Variants in AGBL3 observed in about 807,000 individuals in gnomAD.
AGBL3 encodes the protein AGBL carboxypeptidase 3.
AGBL3 carries 68 observed loss-of-function variants against 94.5 expected under a neutral mutation model. The observed-to-expected ratio is 0.72, with a 90% CI of 0.59 to 0.88. The LOEUF (loss-of-function observed/expected upper bound fraction) is 0.88. Among genes scored for constraint, AGBL3 ranks in the 40% least tolerant of loss-of-function variants. The pLI, the probability that AGBL3 is intolerant of heterozygous loss-of-function variation, is 0.00. For synonymous variants in AGBL3, 354 were observed against 370.7 expected, an observed-to-expected ratio of 0.95 and a Z score of 0.52; for missense variants, 934 against 1,103.8, an observed-to-expected ratio of 0.85 and a Z score of 2.18.
chr7:135,063,558 T>A (rs1819025942), intron 12 of AGBL3, among the ~76,000 whole-genome samples: 1 of 152,180 alleles, frequency 6.6e-6, no homozygotes. Context: ...TCTGATAAGT[T>A]TTGATATGTT....
At chr7:135,066,440 A>AC (rs1420740886) in intron 12 of AGBL3, among the ~76,000 whole-genome samples, 12 of 152,186 alleles carry the variant, frequency 7.9e-5, no homozygotes, top group African/African-American at 2.9e-4. Context: ...ATCATCTCAC[A>AC]CCTGCTTGGT....
chr7:135,069,155 T>C (rs555635918), intron 12 of AGBL3, among the ~76,000 whole-genome samples: 78 of 152,234 alleles, frequency 5.1e-4, no homozygotes, highest in Admixed American at 1.0e-3. Context: ...GGTAAAGGGA[T>C]CAATTCAACA....
At position 134,987,747 on chromosome 7, in the gene AGBL3, G is replaced by C. The variant is rs1809655709; in HGVS notation, c.-59-128G>C. 4 of 511,186 alleles carry C rather than the reference G, an allele frequency of 7.8e-6. No homozygotes were observed. The East Asian group carries it at 1.5e-4, about 19-fold the overall frequency. 31.7% of individuals were successfully genotyped at this position (511,186 alleles called of 1,614,324 possible). ...TTTGAAATTGAAGGTTTTATTAGTT[G>C]TATTCTAATTAGTTTTTAGAGAAGA... On this transcript the variant is annotated intron_variant, in intron 1 of 16. Coordinates refer to ENST00000436302, the MANE Select transcript of AGBL3 (RefSeq NM_178563.4).
chr7:135,119,506 AG>A (rs2117226878), intron 16 of AGBL3, among the ~76,000 whole-genome samples: 1 of 151,666 alleles, frequency 6.6e-6, no homozygotes, highest in Non-Finnish European at 1.5e-5. Context: ...CTGGGATTAC[AG>A]GCATGAGCCA....
chr7:135,054,216 C>T (rs1331012724), intron 11 of AGBL3, among the ~76,000 whole-genome samples: 1 of 152,140 alleles, frequency 6.6e-6, no homozygotes, highest in African/African-American at 2.4e-5. Context: ...TAAGCTGGAT[C>T]TAACACAGAA....
At chr7:135,122,363 G>T (rs533735764) in intron 16 of AGBL3, among the ~76,000 whole-genome samples, 26 of 152,310 alleles carry the variant, frequency 1.7e-4, no homozygotes, top group South Asian at 8.3e-4. Flanking sequence ...TCCAGCCAGA[G>T]GCTCAGGGAC....
chr7:135,035,295 C>T lies in AGBL3; in HGVS notation c.1337+367C>T, dbSNP rs189890616. The stretch of plus-strand genomic sequence containing the variant: ...TATATATATTTTATATACATGAAAC[C>T]GTTGGCTTCTCTCTCTAGAAACTCT... On this transcript the variant is annotated intron_variant, in intron 7 of 16. Coordinates refer to ENST00000436302, the MANE Select transcript of AGBL3 (RefSeq NM_178563.4). Among the ~76,000 whole-genome samples the T allele has an allele frequency of 3.4e-3, 511 of 151,746 alleles. 1 individual carries two copies. Among genetic ancestry groups the T allele is most frequent in the African/African-American group, 0.012 (487 of 41,458 alleles).
chr7:134,993,083 AGTT>A (rs1266298129), intron 3 of AGBL3, among the ~76,000 whole-genome samples: 7 of 152,326 alleles, frequency 4.6e-5, no homozygotes, highest in African/African-American at 1.7e-4. Context: ...ACTGAGAAAA[AGTT>A]GTGACTGAGT....
intron 14 of AGBL3, among the ~76,000 whole-genome samples, chr7:135,080,631 T>C (rs1285778098): frequency 6.6e-6 from 1 of 152,110 alleles, no homozygotes; most frequent in African/African-American, 2.4e-5. Flanking sequence ...TCTCATTTTG[T>C]AATTTAGTAG....
At chr7:135,038,687 C>T (rs756949579) in intron 8 of AGBL3, among the ~76,000 whole-genome samples, 16 of 152,276 alleles carry the variant, frequency 1.1e-4, no homozygotes, top group African/African-American at 3.1e-4. Context: ...TTGGGCCAGA[C>T]GTGGTGGCTC....
At chr7:135,058,820 G>A (rs559433518) in intron 11 of AGBL3, among the ~76,000 whole-genome samples, 10 of 152,066 alleles carry the variant, frequency 6.6e-5, no homozygotes, top group South Asian at 2.1e-4. Flanking sequence ...GCAATGGCAC[G>A]ATCTCAGCTC....
rs1267463755 is a variant in AGBL3 at position 134,993,678 on chromosome 7, G to A, written c.310G>A (p.Asp104Asn). 6.5e-7 allele frequency: 1 copy of A among 1,544,492 alleles called. No individual in the cohort carries two copies. The highest frequency in any genetic ancestry group is 1.4e-5 in the African/African-American group (1 of 72,756). Reference protein sequence around the residue: ...EVIDEKVQHIDWTPSCPEPVY... With the variant: ...EVIDEKVQHINWTPSCPEPVY... ...CATCGATGAAAAAGTCCAGCATATT[G>A]GTATGTTTTTAGCAGTTTGGGGGAT... The change falls in exon 4 of 17, where the codon GAT (aspartate) becomes AAT (asparagine). Residue 104 changes from aspartate (D) to asparagine (N), a missense_variant and splice_region_variant. This residue lies in a region of AGBL3 where 488 missense variants were observed against 563.6 expected (regional missense o/e 0.87). Coordinates refer to ENST00000436302, the MANE Select transcript of AGBL3 (RefSeq NM_178563.4).
In AGBL3 at chr7:135,032,901, A is replaced by G; in HGVS notation, c.476A>G (p.Lys159Arg). 6.4e-7 allele frequency: 1 copy of G among 1,551,636 alleles called. No individual in the cohort carries two copies. Among genetic ancestry groups the G allele is most frequent in the Non-Finnish European group, 8.7e-7 (1 of 1,146,850 alleles). Residue 159 changes from lysine to arginine, a missense_variant, in exon 6 of 17, where the codon AAG becomes AGG. By Grantham distance (26) the Lys-to-Arg change is conservative (BLOSUM62 2). Coordinates refer to ENST00000436302, the MANE Select transcript of AGBL3 (RefSeq NM_178563.4). ...SRVGGNRTPL[K>R]QPVDYRDNTL... ...GTTGGGGGTAACCGAACACCTTTGA[A>G]GCAGCCTGTGGATTACCGTGACAAT...
intron 5 of AGBL3, among the ~76,000 whole-genome samples, chr7:135,017,446 A>C (rs1380047440): frequency 2.6e-5 from 4 of 152,234 alleles, no homozygotes; most frequent in Non-Finnish European, 5.9e-5. Flanking sequence ...TTGAAAGATA[A>C]ACCCAGTGAA....
intron 11 of AGBL3, among the ~76,000 whole-genome samples, chr7:135,058,167 ATAATT>A (rs1175342494): frequency 6.6e-6 from 1 of 152,206 alleles, no homozygotes; most frequent in East Asian, 1.9e-4. Context: ...ACCACATACT[ATAATT>A]TAGGAAGTTA....
chr7:135,109,148 G>C (rs1825224210), intron 15 of AGBL3, among the ~76,000 whole-genome samples: 1 of 152,108 alleles, frequency 6.6e-6, no homozygotes, highest in Non-Finnish European at 1.5e-5. Flanking sequence ...GAATTTTGAT[G>C]ATCTTTCCTA....
intron 4 of AGBL3, among the ~76,000 whole-genome samples, chr7:135,016,461 G>C (rs537476047): frequency 6.6e-6 from 1 of 152,044 alleles, no homozygotes; most frequent in South Asian, 2.1e-4. Context: ...AAATAACTAG[G>C]GTAGTTAGGC....
In AGBL3 at chr7:134,989,285, T is replaced by C; in HGVS notation, c.99T>C (p.Asp33=). The C allele has an allele frequency of 6.5e-7, 1 of 1,548,348 alleles. No homozygotes were observed. The highest frequency in any genetic ancestry group is 1.4e-5 in the African/African-American group (1 of 73,068). ...EDMFMKFVSE[D]LHRCALLTAD... ...TGTTCATGAAATTTGTAAGTGAAGA[T>C]CTTCATCGGTGTGCACTTTTAACAG... The change falls in exon 3 of 17, where the codon GAT becomes GAC. Residue 33 remains aspartate, a synonymous_variant. Transcript: ENST00000436302.
At chr7:135,075,016 A>G (rs1820318847) in intron 12 of AGBL3, among the ~76,000 whole-genome samples, 1 of 152,230 alleles carries the variant, frequency 6.6e-6, no homozygotes, top group African/African-American at 2.4e-5. Context: ...TAAACTTTTA[A>G]TTTTGATTAA....
Sources: gnomAD v4.1 joint callset for allele counts (sites outside exome capture counted in the v4.1 genomes callset) on GRCh38, gnomAD v4.1.1 for gene constraint, gnomAD v4.1.1 regional missense constraint, MANE v1.5 for transcripts, NCBI Gene and HGNC (gene_info 2026-07-23, HGNC 2026-07-21) for gene names.